The following SYNDIG1 variants were observed in gnomAD, a reference collection of about 807,000 sequenced individuals.
SYNDIG1 encodes the protein synapse differentiation-inducing gene protein 1.
In SYNDIG1, 9 loss-of-function variants were observed where a neutral mutation model predicts 19.4. That is an observed-to-expected ratio of 0.46 (90% CI 0.28 to 0.81). The LOEUF (loss-of-function observed/expected upper bound fraction) is 0.81. SYNDIG1 is among the 30% of genes least tolerant of loss of function. The pLI, the probability that SYNDIG1 is intolerant of heterozygous loss-of-function variation, is 0.12. For missense variants in SYNDIG1, 311 were observed against 343.3 expected (o/e 0.91, Z 0.74); for synonymous variants, 141 against 145.9 (o/e 0.97, Z 0.24).
intron 1 of SYNDIG1, among the ~76,000 whole-genome samples, chr20:24,501,240 CTACTTA>C (rs2056447176): frequency 6.6e-6 from 1 of 152,168 alleles, no homozygotes; most frequent in Non-Finnish European, 1.5e-5. Context: ...GATTGTACTT[CTACTTA>C]TAATCTACTA....
At chr20:24,553,407 A>T (rs1300948250) in intron 2 of SYNDIG1, among the ~76,000 whole-genome samples, 1 of 152,148 alleles carries the variant, frequency 6.6e-6, no homozygotes, top group Non-Finnish European at 1.5e-5. Context: ...CTGAATGGTA[A>T]TGCCTAGGTT....
At chr20:24,629,568 G>A (rs1267706658) in intron 3 of SYNDIG1, among the ~76,000 whole-genome samples, 1 of 151,742 alleles carries the variant, frequency 6.6e-6, no homozygotes, top group African/African-American at 2.4e-5. Flanking sequence ...CTAGGCCCAC[G>A]CAGCAGACAG....
At chr20:24,640,248 C>A (rs2059358529) in intron 3 of SYNDIG1, among the ~76,000 whole-genome samples, 1 of 151,640 alleles carries the variant, frequency 6.6e-6, no homozygotes. Context: ...GCAGGAGAAT[C>A]TGGGAGGCAG....
intron 1 of SYNDIG1, among the ~76,000 whole-genome samples, chr20:24,524,445 A>T (rs539366760): frequency 3.3e-5 from 5 of 152,218 alleles, no homozygotes; most frequent in African/African-American, 4.8e-5. Flanking sequence ...GGAGATTGAG[A>T]CCATCCTGGC....
At chr20:24,505,665 GT>G (rs2056572492) in intron 1 of SYNDIG1, among the ~76,000 whole-genome samples, 2 of 152,342 alleles carry the variant, frequency 1.3e-5, no homozygotes, top group South Asian at 4.1e-4. Context: ...CAGGTCAGCT[GT>G]TTATGCTGTC....
chr20:24,544,507 G>A (rs1032894501), intron 2 of SYNDIG1, among the ~76,000 whole-genome samples: 5 of 152,324 alleles, frequency 3.3e-5, no homozygotes, highest in African/African-American at 1.2e-4. Flanking sequence ...GAACATTTTT[G>A]TAGGTGGAGA....
chr20:24,653,094 A>G lies in SYNDIG1; in HGVS notation c.619-12252A>G, dbSNP rs149081024. Reference sequence around the variant, plus strand: ...GATCAGTTTCTAGTGGCACTTGAACATGTGTGTTATGTCACCTCCTTCATA... The same window carrying G: ...GATCAGTTTCTAGTGGCACTTGAACGTGTGTGTTATGTCACCTCCTTCATA... On this transcript the variant is annotated intron_variant, in intron 3 of 3. Coordinates refer to ENST00000376862, the MANE Select transcript of SYNDIG1 (RefSeq NM_024893.3). Among the ~76,000 whole-genome samples, 194 of 152,326 alleles carry G rather than the reference A, an allele frequency of 1.3e-3. 1 individual carries two copies. Among genetic ancestry groups the G allele is most frequent in the African/African-American group, 4.5e-3 (189 of 41,572 alleles).
chr20:24,571,532 T>C (rs2058144287), intron 2 of SYNDIG1, among the ~76,000 whole-genome samples: 2 of 152,188 alleles, frequency 1.3e-5, no homozygotes, highest in African/African-American at 4.8e-5. Context: ...CTTATACATA[T>C]ATACACAGAT....
At chr20:24,542,893 A>C (rs934716714) in intron 1 of SYNDIG1, 127 bp from the exon 2 acceptor site, 7 of 730,904 alleles carry the variant, frequency 9.6e-6, no homozygotes, top group Non-Finnish European at 1.5e-5. Context: ...ACTGCATTTT[A>C]TCTAACTCTC....
At chr20:24,563,525 G>A (rs577697377) in intron 2 of SYNDIG1, among the ~76,000 whole-genome samples, 3 of 152,218 alleles carry the variant, frequency 2.0e-5, no homozygotes, top group South Asian at 4.1e-4. Flanking sequence ...GTGTTGACCA[G>A]CTCCTCATCC....
chr20:24,533,882 A>T (rs2057310644), intron 1 of SYNDIG1, among the ~76,000 whole-genome samples: 2 of 152,188 alleles, frequency 1.3e-5, no homozygotes, highest in Non-Finnish European at 2.9e-5. Context: ...GCATGGCTAT[A>T]AAGGTATTCA....
At chr20:24,567,780 C>T (rs1243515233) in intron 2 of SYNDIG1, among the ~76,000 whole-genome samples, 1 of 152,232 alleles carries the variant, frequency 6.6e-6, no homozygotes, top group East Asian at 1.9e-4. Context: ...GGGCTTCCCA[C>T]TTGGCCCATG....
chr20:24,661,386 G>A (rs1286215131), intron 3 of SYNDIG1, among the ~76,000 whole-genome samples: 50 of 138,384 alleles, frequency 3.6e-4, no homozygotes, highest in South Asian at 4.8e-4. Context: ...GAGGGAGGGA[G>A]GAAAGAGGGA....
At chr20:24,470,503 A>G (rs1004326045) in intron 1 of SYNDIG1, among the ~76,000 whole-genome samples, 1 of 151,718 alleles carries the variant, frequency 6.6e-6, no homozygotes, top group Admixed American at 6.5e-5. Flanking sequence ...GGGAGCGAGC[A>G]CATACGCTTT....
intron 2 of SYNDIG1, among the ~76,000 whole-genome samples, chr20:24,547,215 G>A (rs1429965308): frequency 6.6e-6 from 1 of 152,226 alleles, no homozygotes; most frequent in Non-Finnish European, 1.5e-5. Flanking sequence ...TGGGCACTGG[G>A]TGGCTGGCTG....
chr20:24,532,762 A>G (rs992810070), intron 1 of SYNDIG1, among the ~76,000 whole-genome samples: 3 of 152,232 alleles, frequency 2.0e-5, no homozygotes, highest in African/African-American at 7.2e-5. Context: ...GCTTTCCAAC[A>G]GAGACCTGGG....
At chr20:24,560,180 T>C (rs1186357338) in intron 2 of SYNDIG1, among the ~76,000 whole-genome samples, 1 of 147,504 alleles carries the variant, frequency 6.8e-6, no homozygotes, top group Non-Finnish European at 1.5e-5. Flanking sequence ...GTAATTCTAC[T>C]GCCTCAGCCT....
intron 3 of SYNDIG1, among the ~76,000 whole-genome samples, chr20:24,643,658 G>A (rs1028047030): frequency 2.2e-4 from 34 of 152,198 alleles, no homozygotes; most frequent in Non-Finnish European, 2.9e-5. Context: ...ATCATAATCT[G>A]CATTCCCTCC....
chr20:24,500,512 T>C (rs1016850667), intron 1 of SYNDIG1, among the ~76,000 whole-genome samples: 2 of 123,334 alleles, frequency 1.6e-5, no homozygotes, highest in African/African-American at 6.5e-5. Context: ...CTTTCTTTCT[T>C]TCTTTCTTTC....
Sources: gnomAD v4.1 joint callset for allele counts (sites outside exome capture counted in the v4.1 genomes callset) on GRCh38, gnomAD v4.1.1 for gene constraint, MANE v1.5 for transcripts, NCBI Gene and HGNC (gene_info 2026-07-23, HGNC 2026-07-21) for gene names.